Variants in RPH3AL observed in about 807,000 individuals in gnomAD.
RPH3AL encodes rab effector Noc2.
Under a neutral mutation model 43.1 loss-of-function variants are expected in RPH3AL, and 38 were observed. The ratio of observed to expected loss-of-function variants is 0.88; its 90% CI spans 0.68 to 1.15. The LOEUF is 1.15. Ranked by LOEUF, RPH3AL falls within the 50% of genes most tolerant of loss-of-function variation. RPH3AL has a pLI of 0.00. For synonymous variants in RPH3AL, 189 were observed against 176.3 expected (o/e 1.07, Z -0.57); for missense variants, 462 against 423.2 (o/e 1.09, Z -0.81).
At chr17:214,075 C>A in intron 9 of RPH3AL, 152 bp from the exon 10 acceptor site, 1 of 633,834 alleles carries the variant, frequency 1.6e-6, no homozygotes. Context: ...GAGCTCGAGA[C>A]CAGCACCGCT....
At chr17:272,549 GA>G (rs1483761034) in intron 6 of RPH3AL, among the ~76,000 whole-genome samples, 7 of 135,968 alleles carry the variant, frequency 5.1e-5, no homozygotes, top group Non-Finnish European at 1.1e-4. Flanking sequence ...GGTGGGAATT[GA>G]ACAATGAGAA....
At chr17:226,935 C>T (rs1013842945) in intron 7 of RPH3AL, among the ~76,000 whole-genome samples, 1 of 152,198 alleles carries the variant, frequency 6.6e-6, no homozygotes, top group Non-Finnish European at 1.5e-5. Context: ...GATGGCTCAC[C>T]GACGAGCCCT....
At chr17:234,778 A>C (rs2041322863) in intron 7 of RPH3AL, among the ~76,000 whole-genome samples, 1 of 152,222 alleles carries the variant, frequency 6.6e-6, no homozygotes, top group Non-Finnish European at 1.5e-5. Context: ...AGAGTCTGCT[A>C]GCAAAATACG....
chr17:278,979 C>G (rs2042720473), intron 6 of RPH3AL, among the ~76,000 whole-genome samples: 1 of 152,098 alleles, frequency 6.6e-6, no homozygotes, highest in African/African-American at 2.4e-5. Context: ...GGAAGTGAAG[C>G]ACGAAAGGAA....
rs1263470686 is a variant in RPH3AL at position 333,111 on chromosome 17, T to C, written c.-37+648A>G. On this transcript the variant is annotated intron_variant, in intron 2 of 9. Transcript: ENST00000331302. The surrounding 1 kb of genome is among the most constrained non-coding windows in gnomAD (Gnocchi z 4.5). ...GCTCACCACCCCGGGCGTTCGTCAC[T>C]GCAGACATCACTGCAGACACAGAGA... 1.4e-5 allele frequency: 18 copies of C among 1,281,770 alleles called. No individual in the cohort carries two copies. The highest frequency in any genetic ancestry group is 1.6e-5 in the Non-Finnish European group (16 of 985,330). The allele number at this position is 1,281,770 out of a possible 1,614,324, so 79.4% of individuals were successfully genotyped here.
chr17:297,067 G>A (rs2043201412), intron 5 of RPH3AL, among the ~76,000 whole-genome samples: 1 of 152,192 alleles, frequency 6.6e-6, no homozygotes, highest in South Asian at 2.1e-4. Context: ...CAGGAGCTCT[G>A]GAACACAACC....
chr17:318,762 A>G (rs1217380569), intron 5 of RPH3AL, among the ~76,000 whole-genome samples: 2 of 152,238 alleles, frequency 1.3e-5, no homozygotes, highest in Admixed American at 6.5e-5. Context: ...ACAATTTAAT[A>G]TGTGGCACAA....
chr17:252,656 C>T (rs781941948), intron 6 of RPH3AL, among the ~76,000 whole-genome samples: 3 of 152,150 alleles, frequency 2.0e-5, no homozygotes, highest in Non-Finnish European at 2.9e-5. Flanking sequence ...CGGGCAGCGC[C>T]GCAGCCATCA....
intron 7 of RPH3AL, among the ~76,000 whole-genome samples, chr17:237,113 G>A (rs1415047412): frequency 2.0e-5 from 3 of 152,234 alleles, no homozygotes; most frequent in Admixed American, 6.5e-5. Context: ...GGGTGGGGGC[G>A]GCAGGATCAC....
chr17:292,486 G>A (rs1227820930), intron 5 of RPH3AL, among the ~76,000 whole-genome samples: 1 of 152,216 alleles, frequency 6.6e-6, no homozygotes, highest in East Asian at 1.9e-4. Context: ...ACAGCCCTAT[G>A]GGGTGGGTAT....
chr17:257,696 G>A (rs1363069228), intron 6 of RPH3AL, among the ~76,000 whole-genome samples: 22 of 48,506 alleles, frequency 4.5e-4, no homozygotes, highest in South Asian at 2.1e-3. Context: ...CCCTAGGAAT[G>A]TGACTACCCT....
rs1567577560 is a variant in RPH3AL, at chr17:243,194, TTACCTTCCTCTATTGAC to T, written c.613+3900_613+3916del. On this transcript the variant is annotated intron_variant, in intron 7 of 9. Coordinates refer to ENST00000331302, the MANE Select transcript of RPH3AL (RefSeq NM_006987.4). Reference sequence around the variant, plus strand: ...CTATTGATTACCCTTCCTCTATTGATTACCTTCCTCTATTGACTACCTTCCTCTATTGACTACCTTCC... The same window carrying T: ...CTATTGATTACCCTTCCTCTATTGATTACCTTCCTCTATTGACTACCTTCC... 1.0e-3 allele frequency among the ~76,000 whole-genome samples: 83 copies of T among 81,712 alleles called. 1 individual carries two copies. The highest frequency in any genetic ancestry group is 1.2e-3 in the Admixed American group (10 of 8,350). 53.6% of individuals were successfully genotyped at this position (81,712 alleles called of 152,430 possible).
At chr17:326,833 G>A (rs1307400181) in intron 3 of RPH3AL, among the ~76,000 whole-genome samples, 1 of 152,218 alleles carries the variant, frequency 6.6e-6, no homozygotes, top group Non-Finnish European at 1.5e-5. Flanking sequence ...CTAAGATCGT[G>A]CCATTGCACT....
intron 7 of RPH3AL, among the ~76,000 whole-genome samples, chr17:222,085 G>T (rs1209291853): frequency 6.6e-6 from 1 of 152,272 alleles, no homozygotes; most frequent in African/African-American, 2.4e-5. Context: ...ACAGCTCTGA[G>T]GCCTCCACTC....
rs1303063174 is a variant in RPH3AL at position 268,564 on chromosome 17, T to TG, written c.438+13203_438+13204insC. On this transcript the variant is annotated intron_variant, in intron 6 of 9. Coordinates refer to ENST00000331302, the MANE Select transcript of RPH3AL (RefSeq NM_006987.4). Reference sequence around the variant, plus strand: ...AAGTATGTTTTTGGGTTTTTTTTTTTTTTTTTTTTTTTTTGAGGCAGGATC... The same window carrying TG: ...AAGTATGTTTTTGGGTTTTTTTTTTTGTTTTTTTTTTTTTTGAGGCAGGATC... 3.3e-3 allele frequency among the ~76,000 whole-genome samples: 443 copies of TG among 134,380 alleles called. 4 individuals are homozygous for TG. Among genetic ancestry groups the TG allele is most frequent in the African/African-American group, 0.012 (418 of 35,956 alleles). The allele number at this position is 134,380 out of a possible 152,430, so 88.2% of individuals were successfully genotyped here.
At chr17:316,713 T>C (rs201215464) in intron 5 of RPH3AL, among the ~76,000 whole-genome samples, 183 of 128,514 alleles carry the variant, frequency 1.4e-3, no homozygotes, top group African/African-American at 3.3e-3. Context: ...ACCTGTAGTC[T>C]CTGTGCCCCA....
intron 7 of RPH3AL, among the ~76,000 whole-genome samples, chr17:222,051 A>G (rs927513306): frequency 6.6e-6 from 1 of 151,400 alleles, no homozygotes; most frequent in African/African-American, 2.4e-5. Flanking sequence ...GCCTCCACTC[A>G]CTGAGACAAT....
chr17:232,607 G>A (rs756628783), intron 7 of RPH3AL, among the ~76,000 whole-genome samples: 3 of 152,170 alleles, frequency 2.0e-5, no homozygotes, highest in Non-Finnish European at 2.9e-5. Flanking sequence ...TCTCAGCTGG[G>A]AGGGATGACA....
At chr17:293,710 G>GA (rs1489714536) in intron 5 of RPH3AL, among the ~76,000 whole-genome samples, 1 of 152,180 alleles carries the variant, frequency 6.6e-6, no homozygotes, top group Non-Finnish European at 1.5e-5. Flanking sequence ...GGCTAAATCA[G>GA]AAGGTGGGAG....
Sources: allele counts gnomAD v4.1 joint callset (sites outside exome capture counted in the v4.1 genomes callset), GRCh38; gene constraint gnomAD v4.1.1; non-coding constraint Gnocchi (gnomAD v3.1); transcripts MANE v1.5; gene names NCBI Gene and HGNC (gene_info 2026-07-23, HGNC 2026-07-21).